Variants in HMCN1 observed in about 807,000 individuals in gnomAD.
The protein encoded by HMCN1 is hemicentin-1.
In HMCN1, 321 loss-of-function variants were observed where a neutral mutation model predicts 625.9. The ratio of observed to expected loss-of-function variants is 0.51; its 90% confidence interval spans 0.47 to 0.56. The LOEUF (loss-of-function observed/expected upper bound fraction) is 0.56, where lower values mean the gene tolerates loss of function less well. HMCN1 is among the 20% of genes least tolerant of loss of function. HMCN1 has a pLI of 0.00. For synonymous variants in HMCN1, 2,425 were observed against 2,417.6 expected, an observed-to-expected ratio of 1.00 and a Z score of -0.09; for missense variants, 6,588 against 6,887.3, an observed-to-expected ratio of 0.96 and a Z score of 1.54.
chr1:186,048,680 T>C (rs1571776241), intron 41 of HMCN1, 63 bp from the exon 42 acceptor site: 2 of 925,942 alleles, frequency 2.2e-6, no homozygotes, highest in Non-Finnish European at 3.6e-6. Flanking sequence ...TCACAAATAG[T>C]ATTAATTAAA....
At chr1:185,816,855 A>G (rs1426337157) in intron 1 of HMCN1, among the ~76,000 whole-genome samples, 1 of 152,194 alleles carries the variant, frequency 6.6e-6, no homozygotes, top group Admixed American at 6.5e-5. Context: ...GCATGGTTTG[A>G]TGGCTGACCA....
Position 186,167,729 on chromosome 1 carries a change from A to G in HMCN1, c.15574+787A>G, listed in dbSNP as rs569052033. On this transcript the variant is annotated intron_variant, in intron 100 of 106. Transcript: ENST00000271588. ...TTTTCCAGAATGTCATATAGTTGGAATCATACAATTGTGCAGACTTTTTAG... is the reference window on the plus strand; with the variant it reads ...TTTTCCAGAATGTCATATAGTTGGAGTCATACAATTGTGCAGACTTTTTAG... Among the ~76,000 whole-genome samples, 4 of 152,320 alleles carry G rather than the reference A, an allele frequency of 2.6e-5. No individual in the cohort carries two copies. In the East Asian group the frequency reaches 7.7e-4, roughly 29 times the overall value.
intron 35 of HMCN1, among the ~76,000 whole-genome samples, chr1:186,021,356 G>C (rs1387366579): frequency 6.6e-6 from 1 of 152,028 alleles, no homozygotes; most frequent in Non-Finnish European, 1.5e-5. Flanking sequence ...GGGGGTTAAG[G>C]TGACTATGAG....
chr1:186,183,669 C>G (rs1299743032), intron 105 of HMCN1, among the ~76,000 whole-genome samples: 4 of 152,114 alleles, frequency 2.6e-5, no homozygotes, highest in African/African-American at 9.7e-5. Context: ...TGTACCCATT[C>G]TAAAACTAAT....
chr1:186,006,403 T>TCC (rs1284630264), intron 29 of HMCN1, among the ~76,000 whole-genome samples: 1 of 152,076 alleles, frequency 6.6e-6, no homozygotes, highest in Non-Finnish European at 1.5e-5. Flanking sequence ...ACTTTAAAGG[T>TCC]ATGAGTCTTA....
intron 1 of HMCN1, among the ~76,000 whole-genome samples, chr1:185,808,499 A>C (rs1659315569): frequency 6.6e-6 from 1 of 152,188 alleles, no homozygotes; most frequent in Admixed American, 6.5e-5. Context: ...AGCCTGGGCA[A>C]CAGAGCAAGA....
At chr1:185,898,102 C>T (rs371246431) in intron 4 of HMCN1, among the ~76,000 whole-genome samples, 3 of 152,286 alleles carry the variant, frequency 2.0e-5, no homozygotes, top group Middle Eastern at 3.4e-3. Flanking sequence ...GACATAGGCA[C>T]TGAAGCTGGA....
chr1:186,058,650 G>A (rs1324632483), intron 46 of HMCN1, among the ~76,000 whole-genome samples: 1 of 151,892 alleles, frequency 6.6e-6, no homozygotes. Context: ...GTATATGGAA[G>A]ATTCTAGGGA....
At chr1:185,991,370 A>G (rs1652411175) in intron 22 of HMCN1, among the ~76,000 whole-genome samples, 1 of 152,212 alleles carries the variant, frequency 6.6e-6, no homozygotes, top group South Asian at 2.1e-4. Flanking sequence ...ACAGTAATAC[A>G]GATCAGAAAG....
intron 18 of HMCN1, among the ~76,000 whole-genome samples, chr1:185,983,596 G>A (rs1651810226): frequency 6.6e-6 from 1 of 152,124 alleles, no homozygotes; most frequent in South Asian, 2.1e-4. Flanking sequence ...TATGCAGTGT[G>A]GATGGATGAT....
At chr1:185,754,719 A>T (rs1655025306) in intron 1 of HMCN1, among the ~76,000 whole-genome samples, 1 of 152,184 alleles carries the variant, frequency 6.6e-6, no homozygotes, top group Admixed American at 6.5e-5. Flanking sequence ...ATGATGGCAG[A>T]TGCCTGTAGT....
At chr1:185,789,341 G>A (rs1480135863) in intron 1 of HMCN1, among the ~76,000 whole-genome samples, 1 of 152,178 alleles carries the variant, frequency 6.6e-6, no homozygotes, top group Non-Finnish European at 1.5e-5. Flanking sequence ...GAATCACAGA[G>A]ACCCTGGCGC....
In HMCN1 at chr1:186,095,537, G is replaced by C; in HGVS notation, c.10573+16G>C. 1 of 1,609,232 alleles carries C rather than the reference G, an allele frequency of 6.2e-7. No individual in the cohort carries two copies. The highest frequency in any genetic ancestry group is 1.1e-5 in the South Asian group (1 of 90,722). ...AAGGTCCTAGGTATGTAAACATTGT[G>C]GTAAATGTAGAATAATTGGAAAGTA... On this transcript the variant is annotated intron_variant, in intron 68 of 106. Coordinates refer to ENST00000271588, the MANE Select transcript of HMCN1 (RefSeq NM_031935.3).
chr1:186,155,003 G>A (rs1650902776), intron 97 of HMCN1, among the ~76,000 whole-genome samples: 1 of 152,122 alleles, frequency 6.6e-6, no homozygotes, highest in Admixed American at 6.5e-5. Context: ...TTGAACTTTA[G>A]GCTCCCATGA....
At chr1:185,746,147 T>C (rs1654379352) in intron 1 of HMCN1, among the ~76,000 whole-genome samples, 1 of 152,164 alleles carries the variant, frequency 6.6e-6, no homozygotes, top group South Asian at 2.1e-4. Flanking sequence ...GGAGCTTCCA[T>C]AGAAGGCTAA....
chr1:185,966,453 G>C (rs1417333362), intron 14 of HMCN1, among the ~76,000 whole-genome samples: 1 of 152,060 alleles, frequency 6.6e-6, no homozygotes, highest in Non-Finnish European at 1.5e-5. Flanking sequence ...GTGTCATAAA[G>C]ATTGCACCTC....
At chr1:186,177,043 A>T (rs61831358) in intron 103 of HMCN1, 2 of 69,342 alleles carry the variant, frequency 2.9e-5, no homozygotes, top group African/African-American at 1.3e-4. Context: ...GGTGGGACAC[A>T]CCTGTAATCC....
At chr1:186,075,488 G>A (rs1658757153) in intron 53 of HMCN1, among the ~76,000 whole-genome samples, 1 of 152,066 alleles carries the variant, frequency 6.6e-6, no homozygotes, top group South Asian at 2.1e-4. Context: ...ACTTAGTAAA[G>A]TTACCTAAAT....
intron 97 of HMCN1, among the ~76,000 whole-genome samples, chr1:186,164,849 C>T (rs932425334): frequency 8.5e-5 from 13 of 152,204 alleles, no homozygotes; most frequent in Admixed American, 6.5e-5. Flanking sequence ...TTAGTTATCA[C>T]ATAATTTTTT....
Sources: gnomAD v4.1 joint callset for allele counts (sites outside exome capture counted in the v4.1 genomes callset) on GRCh38, gnomAD v4.1.1 for gene constraint, MANE v1.5 for transcripts, NCBI Gene and HGNC (gene_info 2026-07-23, HGNC 2026-07-21) for gene names.